Variants in TBC1D5 observed in about 807,000 individuals in gnomAD.
The protein encoded by TBC1D5 is TBC1 domain family, member 5.
Under a neutral mutation model 100.3 loss-of-function variants are expected in TBC1D5, and 75 were observed. That is an observed-to-expected ratio of 0.75 (90% CI 0.62 to 0.91). The LOEUF is 0.91. TBC1D5 is among the 40% of genes least tolerant of loss of function. The probability of loss-of-function intolerance (pLI) is 0.00; values close to 1 mark genes in which losing one functional copy is unlikely to be tolerated. For synonymous variants in TBC1D5, 323 were observed against 325.6 expected (o/e 0.99, Z 0.09); for missense variants, 910 against 942.4 (o/e 0.97, Z 0.45).
chr3:17,432,084 T>C (rs1057304462), intron 3 of TBC1D5, among the ~76,000 whole-genome samples: 1 of 152,152 alleles, frequency 6.6e-6, no homozygotes, highest in Non-Finnish European at 1.5e-5. Flanking sequence ...AACATCAAGT[T>C]TTAGACTATC....
At chr3:17,578,062 T>A (rs954172710) in intron 2 of TBC1D5, among the ~76,000 whole-genome samples, 1 of 152,020 alleles carries the variant, frequency 6.6e-6, no homozygotes, top group African/African-American at 2.4e-5. Context: ...GTACTTAGTT[T>A]ATATGAAGGT....
At chr3:17,710,762 A>G (rs2074647047) in intron 1 of TBC1D5, among the ~76,000 whole-genome samples, 1 of 151,942 alleles carries the variant, frequency 6.6e-6, no homozygotes. Context: ...CAGTGGCGCA[A>G]TCTCGGCTCA....
intron 13 of TBC1D5, among the ~76,000 whole-genome samples, chr3:17,317,262 G>A (rs1050396698): frequency 5.9e-5 from 9 of 152,158 alleles, no homozygotes; most frequent in Non-Finnish European, 8.8e-5. Context: ...CTGGGATTAT[G>A]TATGTCTCAG....
intron 2 of TBC1D5, among the ~76,000 whole-genome samples, chr3:17,512,192 G>C (rs1012069501): frequency 1.3e-5 from 2 of 151,970 alleles, no homozygotes; most frequent in Admixed American, 6.5e-5. Flanking sequence ...ATTCCAGTAA[G>C]AGAAAATGAT....
intron 3 of TBC1D5, among the ~76,000 whole-genome samples, chr3:17,473,447 C>T (rs1000024281): frequency 6.6e-6 from 1 of 152,106 alleles, no homozygotes; most frequent in African/African-American, 2.4e-5. Context: ...TAAAGATTCC[C>T]CAAATGTTGC....
Position 17,546,749 on chromosome 3 carries a change from C to T in TBC1D5, c.-35-38144G>A, listed in dbSNP as rs117651622. Among the ~76,000 whole-genome samples the T allele has an allele frequency of 3.2e-4, 47 of 147,680 alleles. 2 individuals carry two copies. The East Asian group carries it at 9.3e-3, about 29-fold the overall frequency. ...AGTGAGCCAAGATGGCGCCACTGTA[C>T]TACAGCCTGGCTGACAAGAGCGAGA... On this transcript the variant is annotated intron_variant, in intron 2 of 21. Coordinates refer to ENST00000253692, the Ensembl canonical transcript of TBC1D5.
intron 3 of TBC1D5, among the ~76,000 whole-genome samples, chr3:17,500,940 G>A (rs1041705815): frequency 1.3e-5 from 2 of 149,330 alleles, no homozygotes; most frequent in African/African-American, 5.1e-5. Context: ...TTAATTTAGA[G>A]GAACTAGGCT....
chr3:17,675,181 AAC>A (rs1335767013), intron 1 of TBC1D5, among the ~76,000 whole-genome samples: 1 of 151,802 alleles, frequency 6.6e-6, no homozygotes, highest in Non-Finnish European at 1.5e-5. Flanking sequence ...CATAAAAATG[AAC>A]AGTCTGAGTT....
intron 17 of TBC1D5, 113 bp from the exon 18 acceptor site, chr3:17,233,863 C>A: frequency 7.1e-6 from 4 of 563,632 alleles, no homozygotes; most frequent in South Asian, 3.2e-5. Flanking sequence ...AAATATAGTA[C>A]AAAAGAAAAT....
intron 1 of TBC1D5, among the ~76,000 whole-genome samples, chr3:17,626,186 G>A (rs12106899): frequency 0.071 from 10,826 of 152,064 alleles, 780 homozygotes; most frequent in African/African-American, 0.19. Flanking sequence ...GGAAAAAAGA[G>A]GTCAATTTTC....
chr3:17,263,736 G>C (rs796101555), intron 15 of TBC1D5, among the ~76,000 whole-genome samples: 1 of 152,194 alleles, frequency 6.6e-6, no homozygotes, highest in Non-Finnish European at 1.5e-5. Flanking sequence ...AGTGGTAGAT[G>C]CAAGTTTTCT....
chr3:17,328,427 C>T (rs889316743), intron 13 of TBC1D5, among the ~76,000 whole-genome samples: 2 of 152,156 alleles, frequency 1.3e-5, no homozygotes, highest in African/African-American at 2.4e-5. Context: ...TGTCTTCCTA[C>T]TGACCTAACC....
At chr3:17,389,982 T>A (rs2093302104) in intron 8 of TBC1D5, among the ~76,000 whole-genome samples, 1 of 152,190 alleles carries the variant, frequency 6.6e-6, no homozygotes, top group Admixed American at 6.5e-5. Context: ...TTAGCTATCC[T>A]GAAGTACAAT....
At chr3:17,408,924 T>A (rs2093847521) in intron 4 of TBC1D5, among the ~76,000 whole-genome samples, 1 of 152,190 alleles carries the variant, frequency 6.6e-6, no homozygotes, top group Non-Finnish European at 1.5e-5. Context: ...TTTTAATCCA[T>A]TTTTATTACC....
chr3:17,700,452 T>C (rs1336608047), intron 1 of TBC1D5, among the ~76,000 whole-genome samples: 1 of 152,026 alleles, frequency 6.6e-6, no homozygotes, highest in Non-Finnish European at 1.5e-5. Flanking sequence ...CCAAAAGCAA[T>C]GACAACAAAA....
At chr3:17,453,103 T>C (rs1452569552) in intron 3 of TBC1D5, among the ~76,000 whole-genome samples, 1 of 140,324 alleles carries the variant, frequency 7.1e-6, no homozygotes, top group Non-Finnish European at 1.6e-5. Context: ...AAAAGAAAAG[T>C]GTCTTGAAAC....
intron 1 of TBC1D5, among the ~76,000 whole-genome samples, chr3:17,632,560 G>C (rs1394462510): frequency 6.6e-6 from 1 of 152,122 alleles, no homozygotes; most frequent in African/African-American, 2.4e-5. Flanking sequence ...TTCATGAAAG[G>C]AAGAGTCAAC....
intron 2 of TBC1D5, among the ~76,000 whole-genome samples, chr3:17,539,304 A>G (rs1041524871): frequency 1.3e-5 from 2 of 152,230 alleles, no homozygotes; most frequent in Non-Finnish European, 2.9e-5. Flanking sequence ...CAGGCTTCAG[A>G]AAGAATAGAC....
At chr3:17,399,884 A>C (rs115461578) in intron 8 of TBC1D5, among the ~76,000 whole-genome samples, 1 of 152,228 alleles carries the variant, frequency 6.6e-6, no homozygotes, top group African/African-American at 2.4e-5. Flanking sequence ...CTAGTTCTTC[A>C]GATGTCTGGC....
Sources: gnomAD v4.1 joint callset for allele counts (sites outside exome capture counted in the v4.1 genomes callset) on GRCh38, gnomAD v4.1.1 for gene constraint, MANE v1.5 for transcripts, NCBI Gene and HGNC (gene_info 2026-07-23, HGNC 2026-07-21) for gene names.